Variants in NEDD4L observed in about 807,000 individuals in gnomAD.
The protein encoded by NEDD4L is NEDD4 like E3 ubiquitin protein ligase, also known as E3 ubiquitin-protein ligase NEDD4-like.
In NEDD4L, 54 loss-of-function variants were observed where a neutral mutation model predicts 148.9. The observed-to-expected ratio is 0.36, with a 90% CI of 0.29 to 0.45. NEDD4L has a LOEUF of 0.45. Among genes scored for constraint, NEDD4L ranks in the 20% least tolerant of loss-of-function variants. NEDD4L has a pLI of 1.00. For synonymous variants in NEDD4L, 433 were observed against 440.7 expected, an observed-to-expected ratio of 0.98 and a Z score of 0.22; for missense variants, 856 against 1,233.8, an observed-to-expected ratio of 0.69 and a Z score of 4.59.
At chr18:58,088,980 A>T (rs1455061052) in intron 1 of NEDD4L, among the ~76,000 whole-genome samples, 1 of 152,162 alleles carries the variant, frequency 6.6e-6, no homozygotes, top group Non-Finnish European at 1.5e-5. Context: ...CACTGGACAG[A>T]TAGATAAGGT....
At chr18:58,238,376 G>A (rs1362880435) in intron 2 of NEDD4L, among the ~76,000 whole-genome samples, 2 of 152,148 alleles carry the variant, frequency 1.3e-5, no homozygotes, top group Non-Finnish European at 2.9e-5. Flanking sequence ...CCTCATTGAA[G>A]TGTATATGTA....
chr18:58,388,940 T>G, intron 27 of NEDD4L, 145 bp from the exon 28 acceptor site: 6 of 672,262 alleles, frequency 8.9e-6, no homozygotes, highest in Admixed American at 2.1e-5. Flanking sequence ...CTGGAACAGG[T>G]GTCTGCCTTC....
intron 2 of NEDD4L, among the ~76,000 whole-genome samples, chr18:58,222,420 A>G (rs2043872893): frequency 6.6e-6 from 1 of 152,170 alleles, no homozygotes; most frequent in South Asian, 2.1e-4. Context: ...ATTTTATTAT[A>G]TTTTTTGTTT....
In NEDD4L at chr18:58,165,646, G is replaced by A. The variant is rs2036755440; in HGVS notation, c.49-142G>A. 1.4e-5 allele frequency: 22 copies of A among 1,525,588 alleles called. No individual in the cohort carries two copies. The South Asian group carries it at 2.4e-4, about 17-fold the overall frequency. The allele number at this position is 1,525,588 out of a possible 1,614,324, so 94.5% of individuals were successfully genotyped here. ...TATTGCTTTTTGAACTTCAGTGTAA[G>A]GAAGAATTGCTTATGCTCGAATTGA... On this transcript the variant is annotated intron_variant, in intron 1 of 30. Transcript: ENST00000400345.
chr18:58,067,986 G>A (rs532926695), intron 1 of NEDD4L, among the ~76,000 whole-genome samples: 2 of 152,194 alleles, frequency 1.3e-5, no homozygotes, highest in South Asian at 2.1e-4. Context: ...TTGAGATAAG[G>A]TCTCCCTCTG....
At chr18:58,361,135 A>T (rs1026987349) in intron 19 of NEDD4L, among the ~76,000 whole-genome samples, 4 of 152,124 alleles carry the variant, frequency 2.6e-5, no homozygotes, top group Admixed American at 2.6e-4. Flanking sequence ...TCCCCATGGG[A>T]GATTAAAACC....
intron 1 of NEDD4L, among the ~76,000 whole-genome samples, chr18:58,074,924 A>G (rs1568178751): frequency 6.6e-6 from 1 of 152,180 alleles, no homozygotes; most frequent in Non-Finnish European, 1.5e-5. Context: ...AAAATACAAA[A>G]GAGGCATTGA....
chr18:58,271,164 A>C (rs568687810), intron 5 of NEDD4L, among the ~76,000 whole-genome samples: 14 of 152,094 alleles, frequency 9.2e-5, no homozygotes, highest in Non-Finnish European at 2.1e-4. Flanking sequence ...ATATGTAGCA[A>C]CCCTATCCAC....
At position 58,325,171 on chromosome 18, in the gene NEDD4L, C is replaced by A. The variant is rs1243803847; in HGVS notation, c.680+9C>A. ...CACAGACCAAGCCTGATGTGAGTAC[C>A]GTGTGATGGTCAGGAACACGTGCAC... On this transcript the variant is annotated intron_variant, in intron 9 of 30. Coordinates refer to ENST00000400345, the MANE Select transcript of NEDD4L (RefSeq NM_001144967.3). The A allele has an allele frequency of 1.2e-6, 2 of 1,613,362 alleles. No individual in the cohort carries two copies. The highest frequency in any genetic ancestry group is 1.7e-6 in the Non-Finnish European group (2 of 1,179,732).
rs2046076456 is a variant in NEDD4L, at chr18:58,366,072, T to C, written c.1907T>C (p.Met636Thr). Residue 636 changes from methionine to threonine, a missense_variant, in exon 21 of 31, where the codon ATG becomes ACG. Coordinates refer to ENST00000400345, the MANE Select transcript of NEDD4L (RefSeq NM_001144967.3). This position sits in a 1 kb window ranked among gnomAD's most constrained non-coding sequence, Gnocchi z 4.2. ...TTTGAAGAGTCCTATCGGAGAATTA[T>C]GTCCGTGAAAAGACCAGATGTCCTA... ...NIFEESYRRI[M>T]SVKRPDVLKA... The C allele has an allele frequency of 1.2e-6, 2 of 1,613,416 alleles. No individual in the cohort carries two copies. Among genetic ancestry groups the C allele is most frequent in the African/African-American group, 1.3e-5 (1 of 74,954 alleles).
intron 1 of NEDD4L, among the ~76,000 whole-genome samples, chr18:58,136,859 T>G (rs538099998): frequency 6.6e-6 from 1 of 152,310 alleles, no homozygotes; most frequent in South Asian, 2.1e-4. Flanking sequence ...CAACCAGTGT[T>G]GTATACACTG....
chr18:58,111,820 G>A (rs1337746221), intron 1 of NEDD4L, among the ~76,000 whole-genome samples: 2 of 152,156 alleles, frequency 1.3e-5, no homozygotes, highest in Non-Finnish European at 1.5e-5. Context: ...GGATGAATAT[G>A]TTTTCATTTC....
chr18:58,351,515 C>A (rs1171201313), intron 18 of NEDD4L, among the ~76,000 whole-genome samples: 2 of 152,162 alleles, frequency 1.3e-5, no homozygotes, highest in Non-Finnish European at 2.9e-5. Flanking sequence ...TTCCTTGCAC[C>A]CACAACACTA....
chr18:58,053,534 C>T (rs1356973433), intron 1 of NEDD4L, among the ~76,000 whole-genome samples: 42 of 152,168 alleles, frequency 2.8e-4, no homozygotes, highest in Non-Finnish European at 1.0e-4. Context: ...TGGTCTCGAA[C>T]TCCTGACCTT....
intron 1 of NEDD4L, among the ~76,000 whole-genome samples, chr18:58,090,277 C>T (rs1044236321): frequency 3.3e-5 from 5 of 152,106 alleles, no homozygotes; most frequent in Non-Finnish European, 7.4e-5. Context: ...GTTTAGGGAC[C>T]CAGTAGGAGG....
At chr18:58,168,971 G>A (rs1019272553) in intron 2 of NEDD4L, among the ~76,000 whole-genome samples, 1 of 151,726 alleles carries the variant, frequency 6.6e-6, no homozygotes, top group African/African-American at 2.4e-5. Flanking sequence ...GGCGGGTGAC[G>A]GTGGGAGGAG....
chr18:58,142,203 C>T (rs565424311), intron 1 of NEDD4L, among the ~76,000 whole-genome samples: 14 of 96,538 alleles, frequency 1.5e-4, no homozygotes, highest in Admixed American at 3.5e-4. Flanking sequence ...CCCGCCACCA[C>T]GCCCGGCTAA....
rs376852213 is a variant in NEDD4L, at chr18:58,120,700, A to C, written c.49-45088A>C. Among the ~76,000 whole-genome samples the C allele has an allele frequency of 2.0e-4, 31 of 152,332 alleles. 1 individual carries two copies. In the East Asian group the frequency reaches 5.8e-3, roughly 28 times the overall value. ...GAGGTTGAGGCAGGAGAATGGCATG[A>C]ACCTGGGAGGCGGAGCTTGCGGTGA... On this transcript the variant is annotated intron_variant, in intron 1 of 30. Transcript: ENST00000400345.
intron 9 of NEDD4L, among the ~76,000 whole-genome samples, chr18:58,327,248 C>CAT (rs2059392574): frequency 6.6e-6 from 1 of 152,204 alleles, no homozygotes; most frequent in Non-Finnish European, 1.5e-5. Flanking sequence ...CAGGCGCCCG[C>CAT]CGCCATGCCC....
Sources: gnomAD v4.1 joint callset for allele counts (sites outside exome capture counted in the v4.1 genomes callset) on GRCh38, gnomAD v4.1.1 for gene constraint, Gnocchi (gnomAD v3.1) non-coding constraint, MANE v1.5 for transcripts, NCBI Gene and HGNC (gene_info 2026-07-23, HGNC 2026-07-21) for gene names.